SHE: variants seen among roughly 807,000 people sequenced by gnomAD.
SHE encodes Src homology 2 domain containing E.
In SHE, 11 loss-of-function variants were observed where a neutral mutation model predicts 49.8. The ratio of observed to expected loss-of-function variants is 0.22; its 90% CI spans 0.14 to 0.37. The LOEUF is 0.37. SHE is among the 10% of genes least tolerant of loss of function. The pLI, the probability that SHE is intolerant of heterozygous loss-of-function variation, is 1.00. For synonymous variants in SHE, 310 were observed against 278.1 expected (o/e 1.11, Z -1.14); for missense variants, 624 against 655.5 (o/e 0.95, Z 0.52).
rs1388146110 is a variant in SHE at position 154,480,610 on chromosome 1, G to A, written c.*3539C>T. 1.0e-6 allele frequency: 1 copy of A among 985,460 alleles called. No homozygotes were observed. Among genetic ancestry groups the A allele is most frequent in the Non-Finnish European group, 1.2e-6 (1 of 829,936 alleles). The allele number at this position is 985,460 out of a possible 1,614,324, so 61.0% of individuals were successfully genotyped here. On this transcript the variant is annotated 3_prime_UTR_variant, in exon 6 of 6. Transcript: ENST00000304760. ...AGTACACAAATACCAATTCTGCAAA[G>A]TACGGAGACTTCCAACAGCAAAGAA... is the stretch of plus-strand genomic sequence containing the variant.
chr1:154,494,173 T>C (rs774917145), intron 2 of SHE, among the ~76,000 whole-genome samples: 6 of 152,220 alleles, frequency 3.9e-5, no homozygotes, highest in Non-Finnish European at 7.3e-5. Context: ...ATATCTTTGA[T>C]CAGTGCTCAA....
intron 1 of SHE, among the ~76,000 whole-genome samples, chr1:154,472,272 A>G (rs1451515672): frequency 1.3e-5 from 2 of 152,232 alleles, no homozygotes; most frequent in Non-Finnish European, 2.9e-5. Flanking sequence ...AGAGAGAAGT[A>G]AAAAGCAGAG....
intron 1 of SHE, among the ~76,000 whole-genome samples, chr1:154,470,572 G>T (rs1691717720): frequency 6.6e-6 from 1 of 152,172 alleles, no homozygotes. Flanking sequence ...AGGTGCGGTG[G>T]CTCACTCCTA....
chr1:154,486,425 A>T, intron 4 of SHE, 102 bp downstream of exon 4: 1 of 1,477,646 alleles, frequency 6.8e-7, no homozygotes, highest in South Asian at 1.3e-5. Context: ...GCAAGTGTTC[A>T]TTAACAAAAA....
intron 5 of SHE, 34 bp from the exon 6 acceptor site, chr1:154,484,369 G>C (rs375337736): frequency 6.3e-7 from 1 of 1,576,996 alleles, no homozygotes; most frequent in Non-Finnish European, 8.7e-7. Flanking sequence ...ACATGAATGA[G>C]TGGGCAGAGG....
At position 154,486,576 on chromosome 1, in the gene SHE, G is replaced by A; in HGVS notation, c.1132C>T (p.His378Tyr). 6.2e-7 allele frequency: 1 copy of A among 1,614,134 alleles called. No homozygotes were observed. The highest frequency in any genetic ancestry group is 8.5e-7 in the Non-Finnish European group (1 of 1,180,028). Residue 378 changes from histidine (H) to tyrosine (Y), a missense_variant, in exon 4 of 6, where the codon CAC becomes TAC. Physicochemically the swap from His to Tyr is moderately conservative, Grantham distance 83. Coordinates refer to ENST00000304760, the MANE Select transcript of SHE (RefSeq NM_001010846.3). Reference sequence around the variant, plus strand: ...GGGTCCACTTTCTCTCCCTCACTGTGGTCCGAGAGGGCTGGCTTCAGGATC... The same window carrying A: ...GGGTCCACTTTCTCTCCCTCACTGTAGTCCGAGAGGGCTGGCTTCAGGATC... ...QKILKPALSD[H>Y]SEGEKVDPGL...
At chr1:154,486,317 A>G (rs1367698594) in intron 4 of SHE, among the ~76,000 whole-genome samples, 1 of 152,222 alleles carries the variant, frequency 6.6e-6, no homozygotes, top group Non-Finnish European at 1.5e-5. Flanking sequence ...CTACAGAAGA[A>G]TAAGACTTAC....
chr1:154,480,096 GTTT>G lies in SHE; in HGVS notation c.*4050_*4052del. On this transcript the variant is annotated 3_prime_UTR_variant, in exon 6 of 6. Transcript: ENST00000304760. ...GAAGGCCCACTGCACAGCAGGCCAA[GTTT>G]CTCTAGTCCACGTTAGTGGGGCACA... 1 of 985,506 alleles carries G rather than the reference GTTT, an allele frequency of 1.0e-6. No homozygotes were observed. Among genetic ancestry groups the G allele is most frequent in the Non-Finnish European group, 1.2e-6 (1 of 829,942 alleles). 61.0% of individuals were successfully genotyped at this position (985,506 alleles called of 1,614,324 possible).
intron 2 of SHE, among the ~76,000 whole-genome samples, chr1:154,491,669 T>C (rs1214802891): frequency 1.3e-5 from 2 of 152,118 alleles, no homozygotes; most frequent in African/African-American, 4.8e-5. Flanking sequence ...CATATCATTG[T>C]GCTAAATAAT....
chr1:154,484,396 A>G, intron 5 of SHE, 61 bp from the exon 6 acceptor site: 5 of 1,447,172 alleles, frequency 3.5e-6, no homozygotes, highest in Non-Finnish European at 4.8e-6. Flanking sequence ...CCCCACTGAA[A>G]ACAATTGCAG....
At chr1:154,476,685 AAGT>A, downstream of SHE, among the ~76,000 whole-genome samples, 1 of 152,272 alleles carries the variant, frequency 6.6e-6, no homozygotes, top group Admixed American at 6.5e-5. Context: ...AAAAAAAAAA[AAGT>A]AGAATAAAGC....
intron 4 of SHE, 138 bp from the exon 5 acceptor site, chr1:154,486,200 A>C: frequency 8.3e-7 from 1 of 1,205,474 alleles, no homozygotes; most frequent in Non-Finnish European, 1.2e-6. Context: ...CCTGCTTCAC[A>C]TTCAGAACAG....
downstream of SHE, among the ~76,000 whole-genome samples, chr1:154,476,992 A>G (rs1404175804): frequency 6.6e-6 from 1 of 152,206 alleles, no homozygotes; most frequent in African/African-American, 2.4e-5. Context: ...TGGATTCTGG[A>G]AATGATAACC....
downstream of SHE, among the ~76,000 whole-genome samples, chr1:154,476,902 G>A (rs1691889816): frequency 6.6e-6 from 1 of 152,130 alleles, no homozygotes; most frequent in Non-Finnish European, 1.5e-5. Context: ...CATGTAGAAA[G>A]TATTTTAAAT....
chr1:154,500,713 C>A (rs1236441008), intron 1 of SHE, among the ~76,000 whole-genome samples: 1 of 152,202 alleles, frequency 6.6e-6, no homozygotes, highest in Non-Finnish European at 1.5e-5. Flanking sequence ...AACTTTTCCA[C>A]ATTGGACAGC....
Position 154,482,380 on chromosome 1 carries a change from A to G in SHE, c.*1769T>C. The stretch of plus-strand genomic sequence containing the variant: ...AAGTTCCTCTTAAATTTTTAAAATC[A>G]AAGATCACACAACCTTTTGGCTGAG... On this transcript the variant is annotated 3_prime_UTR_variant, in exon 6 of 6. Coordinates refer to ENST00000304760, the MANE Select transcript of SHE (RefSeq NM_001010846.3). 1.0e-6 allele frequency: 1 copy of G among 985,390 alleles called. No individual in the cohort carries two copies. Among genetic ancestry groups the G allele is most frequent in the Non-Finnish European group, 1.2e-6 (1 of 829,920 alleles). 61.0% of individuals were successfully genotyped at this position (985,390 alleles called of 1,614,324 possible).
intron 1 of SHE, 53 bp from the exon 2 acceptor site, chr1:154,499,291 G>A: frequency 6.4e-7 from 1 of 1,567,104 alleles, no homozygotes; most frequent in South Asian, 1.2e-5. Flanking sequence ...TACCAAAATG[G>A]CAATGGTATC....
rs974303820 is a variant in SHE, at chr1:154,501,821, G to A, written c.206C>T (p.Ser69Leu). Residue 69 changes from serine (S) to leucine (L), a missense_variant, in exon 1 of 6, where the codon TCG (serine) becomes TTG (leucine). By Grantham distance (145) the Ser-to-Leu change is moderately radical. Transcript: ENST00000304760. The part of the protein sequence containing the change: ...GGGGGKLRKN[S>L]EAGGAGPGPG... ...ACCCGGCCCAGCGCCGCCCGCCTCCGAGTTCTTGCGCAATTTGCCGCCGCC... is the reference window on the plus strand; with the variant it reads ...ACCCGGCCCAGCGCCGCCCGCCTCCAAGTTCTTGCGCAATTTGCCGCCGCC... 2 of 1,550,690 alleles carry A rather than the reference G, an allele frequency of 1.3e-6. No homozygotes were observed. The highest frequency in any genetic ancestry group is 2.7e-5 in the African/African-American group (2 of 72,940).
chr1:154,492,530 C>T (rs1236490242), intron 2 of SHE, among the ~76,000 whole-genome samples: 1 of 152,184 alleles, frequency 6.6e-6, no homozygotes, highest in Non-Finnish European at 1.5e-5. Flanking sequence ...GGCCAGGTAT[C>T]TGGGGTTGTC....
Sources: allele counts gnomAD v4.1 joint callset (sites outside exome capture counted in the v4.1 genomes callset), GRCh38; gene constraint gnomAD v4.1.1; transcripts MANE v1.5; gene names NCBI Gene and HGNC (gene_info 2026-07-23, HGNC 2026-07-21).